The following VPS13B variants were observed in gnomAD, a reference collection of about 807,000 sequenced individuals.
VPS13B encodes the protein vacuolar protein sorting 13 homolog B.
Under a neutral mutation model 426.4 loss-of-function variants are expected in VPS13B, and 285 were observed. The ratio of observed to expected loss-of-function variants is 0.67; its 90% CI spans 0.61 to 0.74. The LOEUF (loss-of-function observed/expected upper bound fraction) is 0.74. Ranked by LOEUF, VPS13B falls within the 30% of genes least tolerant of loss-of-function variation. VPS13B has a pLI of 0.00. For synonymous variants in VPS13B, 1,676 were observed against 1,676.4 expected (o/e 1.00, Z 0.01); for missense variants, 4,537 against 4,782.6 (o/e 0.95, Z 1.51).
At chr8:99,423,109 TCTCTC>T (rs142063907) in intron 21 of VPS13B, among the ~76,000 whole-genome samples, 186 of 152,242 alleles carry the variant, frequency 1.2e-3, no homozygotes, top group African/African-American at 4.2e-3. Flanking sequence ...CCTCTCGTCT[TCTCTC>T]CTTTCCTTTC....
rs566944225 is a variant in VPS13B at position 99,110,968 on chromosome 8, A to G, written c.581-130A>G. ...AGTTCATTGCATATGGTCTGGCATTATGTATTAAATGCTCCATGAATCTTA... is the reference window on the plus strand; with the variant it reads ...AGTTCATTGCATATGGTCTGGCATTGTGTATTAAATGCTCCATGAATCTTA... On this transcript the variant is annotated intron_variant, in intron 5 of 61. Coordinates refer to ENST00000357162, the MANE Select transcript of VPS13B (RefSeq NM_152564.5). 134 of 629,822 alleles carry G rather than the reference A, an allele frequency of 2.1e-4. No homozygotes were observed. The South Asian group carries it at 2.2e-3, about 10-fold the overall frequency. The allele number at this position is 629,822 out of a possible 1,614,324, so 39.0% of individuals were successfully genotyped here. A position where few individuals can be genotyped will look rare whatever the true frequency, so the allele number is the denominator to read the frequency against.
intron 39 of VPS13B, among the ~76,000 whole-genome samples, chr8:99,745,896 A>G (rs1009176740): frequency 4.6e-5 from 7 of 152,078 alleles, no homozygotes; most frequent in Admixed American, 4.6e-4. Context: ...CCTTAATATC[A>G]TATTATACTC....
At chr8:99,337,520 G>T (rs969457906) in intron 19 of VPS13B, among the ~76,000 whole-genome samples, 5 of 150,408 alleles carry the variant, frequency 3.3e-5, no homozygotes, top group African/African-American at 9.8e-5. Context: ...TAATAAAAAA[G>T]ATTCCTAAGG....
At chr8:99,429,207 C>G (rs1283254761) in intron 21 of VPS13B, among the ~76,000 whole-genome samples, 1 of 151,656 alleles carries the variant, frequency 6.6e-6, no homozygotes, top group Middle Eastern at 3.2e-3. Context: ...GTGCAGCCCA[C>G]CAACATGGCA....
chr8:99,614,983 G>A (rs182738960), intron 33 of VPS13B, among the ~76,000 whole-genome samples: 75 of 151,932 alleles, frequency 4.9e-4, no homozygotes, highest in Middle Eastern at 6.8e-3. Flanking sequence ...CAGGCGTGGC[G>A]GCACATGCCT....
chr8:99,173,364 C>A (rs1350188244), intron 16 of VPS13B, among the ~76,000 whole-genome samples: 2 of 152,000 alleles, frequency 1.3e-5, no homozygotes, highest in Non-Finnish European at 2.9e-5. Context: ...AGGGTAAATT[C>A]TTTTAGTTTT....
intron 37 of VPS13B, among the ~76,000 whole-genome samples, chr8:99,719,709 GA>G (rs753972767): frequency 1.9e-3 from 292 of 152,176 alleles, no homozygotes; most frequent in Admixed American, 4.6e-3. Flanking sequence ...CTCACATGCA[GA>G]AAAATAAAAC....
chr8:99,803,285 C>G (rs1588725022), intron 43 of VPS13B, among the ~76,000 whole-genome samples: 1 of 152,222 alleles, frequency 6.6e-6, no homozygotes, highest in Non-Finnish European at 1.5e-5. Context: ...TTGTTTCATG[C>G]TAATTGCACA....
At chr8:99,153,805 GA>G (rs1811204844) in intron 14 of VPS13B, among the ~76,000 whole-genome samples, 1 of 150,682 alleles carries the variant, frequency 6.6e-6, no homozygotes, top group Non-Finnish European at 1.5e-5. Context: ...ATGTAGATGT[GA>G]AATTCTGACC....
intron 23 of VPS13B, among the ~76,000 whole-genome samples, chr8:99,453,496 T>C (rs1160755931): frequency 6.6e-6 from 1 of 152,232 alleles, no homozygotes; most frequent in African/African-American, 2.4e-5. Context: ...ATATAATTGC[T>C]GTAGACATTA....
intron 33 of VPS13B, among the ~76,000 whole-genome samples, chr8:99,598,644 G>A (rs1011294679): frequency 6.6e-6 from 1 of 151,904 alleles, no homozygotes; most frequent in Non-Finnish European, 1.5e-5. Context: ...GATCTGATGT[G>A]GGAGTTCTTT....
intron 3 of VPS13B, among the ~76,000 whole-genome samples, chr8:99,064,828 G>A (rs1019900934): frequency 6.6e-6 from 1 of 152,196 alleles, no homozygotes; most frequent in Admixed American, 6.5e-5. Context: ...AGGTTGAAAT[G>A]AAGGAAAAAA....
chr8:99,119,394 G>T (rs1847830468), intron 7 of VPS13B: 1 of 152,248 alleles, frequency 6.6e-6, no homozygotes, highest in Admixed American at 6.6e-5. Flanking sequence ...ACAGGTGCAC[G>T]ACACTGAGTG....
chr8:99,380,380 C>T (rs1413479562), intron 19 of VPS13B, among the ~76,000 whole-genome samples: 1 of 152,072 alleles, frequency 6.6e-6, no homozygotes. Context: ...ATTGGATTTT[C>T]AGTTGACTTT....
At chr8:99,349,949 G>A (rs1811785820) in intron 19 of VPS13B, among the ~76,000 whole-genome samples, 1 of 152,016 alleles carries the variant, frequency 6.6e-6, no homozygotes, top group African/African-American at 2.4e-5. Flanking sequence ...GCATATGAGT[G>A]GGAAGGACAA....
intron 43 of VPS13B, among the ~76,000 whole-genome samples, chr8:99,785,606 CT>C (rs1375567659): frequency 1.3e-5 from 2 of 151,916 alleles, no homozygotes; most frequent in African/African-American, 4.8e-5. Flanking sequence ...TCTAATTTTC[CT>C]CTTTAGAAAT....
In VPS13B at chr8:99,396,918, GA is replaced by G. The variant is rs199866601; in HGVS notation, c.3082+5224del. Among the ~76,000 whole-genome samples the G allele has an allele frequency of 2.3e-4, 33 of 146,278 alleles. No individual in the cohort carries two copies. In the East Asian group the frequency reaches 3.6e-3, roughly 16 times the overall value. On this transcript the variant is annotated intron_variant, in intron 21 of 61. Coordinates refer to ENST00000357162, the MANE Select transcript of VPS13B (RefSeq NM_152564.5). ...AGAATACTAAGGCTTCTACCAAAATGAAAAAAAAAATGATCCTTCAGATGTT... is the reference window on the plus strand; with the variant it reads ...AGAATACTAAGGCTTCTACCAAAATGAAAAAAAAATGATCCTTCAGATGTT...
At chr8:99,477,334 A>G (rs1297304641) in intron 24 of VPS13B, among the ~76,000 whole-genome samples, 1 of 152,124 alleles carries the variant, frequency 6.6e-6, no homozygotes, top group East Asian at 1.9e-4. Flanking sequence ...TTTCTCATTT[A>G]TCCATCTGTT....
chr8:99,570,661 C>T (rs2133797136), intron 31 of VPS13B, among the ~76,000 whole-genome samples: 1 of 151,666 alleles, frequency 6.6e-6, no homozygotes, highest in Non-Finnish European at 1.5e-5. Context: ...ATCAAAAGTT[C>T]TTGATAATGC....
Sources: allele counts gnomAD v4.1 joint callset (sites outside exome capture counted in the v4.1 genomes callset), GRCh38; gene constraint gnomAD v4.1.1; transcripts MANE v1.5; gene names NCBI Gene and HGNC (gene_info 2026-07-23, HGNC 2026-07-21).